Variants in CACNA2D1 observed in about 807,000 individuals in gnomAD.
CACNA2D1 encodes calcium voltage-gated channel auxiliary subunit alpha2delta 1.
In CACNA2D1, 53 loss-of-function variants were observed where a neutral mutation model predicts 171.5. The ratio of observed to expected loss-of-function variants is 0.31; its 90% confidence interval spans 0.25 to 0.39. The LOEUF is 0.39. CACNA2D1 is among the 10% of genes least tolerant of loss of function. The pLI, the probability that CACNA2D1 is intolerant of heterozygous loss-of-function variation, is 1.00. For synonymous variants in CACNA2D1, 442 were observed against 443.1 expected, an observed-to-expected ratio of 1.00 and a Z score of 0.03; for missense variants, 903 against 1,299.8, an observed-to-expected ratio of 0.69 and a Z score of 4.69.
chr7:82,348,090 C>T (rs1819445077), intron 2 of CACNA2D1, among the ~76,000 whole-genome samples: 1 of 152,166 alleles, frequency 6.6e-6, no homozygotes, highest in Admixed American at 6.5e-5. Flanking sequence ...TTTTAATCTC[C>T]ATCTGTCGAT....
chr7:82,060,579 A>C, intron 9 of CACNA2D1, 52 bp from the exon 10 acceptor site: 1 of 1,038,678 alleles, frequency 9.6e-7, no homozygotes. Context: ...TATTTAATCA[A>C]GAACATCATA....
intron 12 of CACNA2D1, among the ~76,000 whole-genome samples, chr7:82,016,207 G>A (rs1199347127): frequency 6.6e-6 from 1 of 151,954 alleles, no homozygotes; most frequent in African/African-American, 2.4e-5. Flanking sequence ...GCTTCTAAAT[G>A]GAAATATTTT....
chr7:82,392,619 G>A (rs946033801), intron 1 of CACNA2D1, among the ~76,000 whole-genome samples: 7 of 152,198 alleles, frequency 4.6e-5, no homozygotes, highest in Non-Finnish European at 5.9e-5. Context: ...CTAGGTGGGG[G>A]CATTGCTGGC....
At chr7:82,062,486 T>G (rs1356203860) in intron 9 of CACNA2D1, among the ~76,000 whole-genome samples, 3 of 152,174 alleles carry the variant, frequency 2.0e-5, no homozygotes, top group Non-Finnish European at 4.4e-5. Context: ...TATGTATTCC[T>G]TTAGTGCTAT....
chr7:82,014,583 AATG>A, intron 12 of CACNA2D1, 104 bp from the exon 13 acceptor site: 1 of 714,468 alleles, frequency 1.4e-6, no homozygotes, highest in East Asian at 2.7e-5. Context: ...TTTCCAGTTG[AATG>A]ATATGACAAG....
chr7:81,987,175 T>C (rs37092), intron 21 of CACNA2D1, among the ~76,000 whole-genome samples: 1,742 of 152,286 alleles, frequency 0.011, 36 homozygotes, highest in African/African-American at 0.039. Context: ...TAGAAAAACA[T>C]AGCTATACTT....
In CACNA2D1 at chr7:81,947,943, T is replaced by C. The variant is rs1792168421; in HGVS notation, c.*2449A>G. The stretch of plus-strand genomic sequence containing the variant: ...AAATAAAGGTTTATAGCAAAACTCA[T>C]GCATATAAATATATTTTGATGGCAA... On this transcript the variant is annotated 3_prime_UTR_variant, in exon 39 of 39. Coordinates refer to ENST00000356860, the MANE Select transcript of CACNA2D1 (RefSeq NM_000722.4). The C allele has an allele frequency of 1.3e-5, 2 of 151,860 alleles. No homozygotes were observed. Among genetic ancestry groups the C allele is most frequent in the African/African-American group, 2.4e-5 (1 of 41,408 alleles). 9.4% of individuals were successfully genotyped at this position (151,860 alleles called of 1,614,324 possible).
chr7:82,150,325 T>TCCC (rs147202376), intron 4 of CACNA2D1, among the ~76,000 whole-genome samples: 404 of 142,478 alleles, frequency 2.8e-3, no homozygotes, highest in African/African-American at 0.01. Context: ...ACTTTTTTTT[T>TCCC]CCCCCCAGTA....
intron 20 of CACNA2D1, among the ~76,000 whole-genome samples, chr7:81,992,315 T>C (rs1356019253): frequency 5.3e-5 from 8 of 152,068 alleles, no homozygotes; most frequent in Non-Finnish European, 4.4e-5. Context: ...CTGCAATTTA[T>C]TGATGAAGAA....
chr7:82,096,217 A>G (rs1047470197), intron 6 of CACNA2D1, among the ~76,000 whole-genome samples: 1 of 152,152 alleles, frequency 6.6e-6, no homozygotes, highest in Non-Finnish European at 1.5e-5. Context: ...CTCCCTTTAC[A>G]GCAGTAGCAC....
intron 3 of CACNA2D1, among the ~76,000 whole-genome samples, chr7:82,260,716 A>T (rs1226944016): frequency 6.6e-6 from 1 of 152,192 alleles, no homozygotes; most frequent in Non-Finnish European, 1.5e-5. Flanking sequence ...GCTCAGTTTA[A>T]TAGAAACAGA....
rs527517118 is a variant in CACNA2D1 at position 82,096,288 on chromosome 7, T to TTTATA, written c.527-11393_527-11389dup. On this transcript the variant is annotated intron_variant, in intron 6 of 38. Coordinates refer to ENST00000356860, the MANE Select transcript of CACNA2D1 (RefSeq NM_000722.4). ...GTGGCTGTGTTCCCATAAAACTGTA[T>TTTATA]TTATAAAAACAGACAGTGGGCCATA... Among the ~76,000 whole-genome samples, 47 of 152,234 alleles carry TTTATA rather than the reference T, an allele frequency of 3.1e-4. No homozygotes were observed. The East Asian group carries it at 4.1e-3, about 13-fold the overall frequency.
chr7:82,357,900 T>G (rs991225284), intron 1 of CACNA2D1, among the ~76,000 whole-genome samples: 1 of 151,722 alleles, frequency 6.6e-6, no homozygotes, highest in Non-Finnish European at 1.5e-5. Flanking sequence ...GTAAGGGATT[T>G]ATAGGAGGGA....
At position 82,038,060 on chromosome 7, in the gene CACNA2D1, C is replaced by T; in HGVS notation, c.1038+17G>A. Reference sequence around the variant, plus strand: ...ATTGAACAACAACAACAACAAAAGACATAGCATGATACTTACATTAAGCAG... The same window carrying T: ...ATTGAACAACAACAACAACAAAAGATATAGCATGATACTTACATTAAGCAG... On this transcript the variant is annotated intron_variant, in intron 11 of 38. Coordinates refer to ENST00000356860, the MANE Select transcript of CACNA2D1 (RefSeq NM_000722.4). 1 of 1,611,188 alleles carries T rather than the reference C, an allele frequency of 6.2e-7. No homozygotes were observed. The highest frequency in any genetic ancestry group is 2.2e-5 in the East Asian group (1 of 44,764).
In CACNA2D1 at chr7:82,289,959, C is replaced by A. The variant is rs114285936; in HGVS notation, c.294+45176G>T. ...CCTTAACTTTTTTGTTGCTGTTGTT[C>A]ACTTAAAGTAGAACCTACATTACTG... is the stretch of plus-strand genomic sequence containing the variant. On this transcript the variant is annotated intron_variant, in intron 3 of 38. Coordinates refer to ENST00000356860, the MANE Select transcript of CACNA2D1 (RefSeq NM_000722.4). Among the ~76,000 whole-genome samples the A allele has an allele frequency of 5.1e-3, 771 of 152,280 alleles. 4 individuals carry two copies. The highest frequency in any genetic ancestry group is 0.018 in the African/African-American group (730 of 41,570).
chr7:82,232,945 T>C (rs1472609118), intron 3 of CACNA2D1, among the ~76,000 whole-genome samples: 1 of 147,678 alleles, frequency 6.8e-6, no homozygotes, highest in Non-Finnish European at 1.5e-5. Flanking sequence ...AGGTTGTTTC[T>C]ACTAAAACAT....
chr7:82,091,889 A>C (rs1310479161), intron 6 of CACNA2D1, among the ~76,000 whole-genome samples: 1 of 152,212 alleles, frequency 6.6e-6, no homozygotes, highest in African/African-American at 2.4e-5. Flanking sequence ...TATTCGTCTA[A>C]AAAAATGAAT....
intron 18 of CACNA2D1, among the ~76,000 whole-genome samples, chr7:81,999,309 C>A (rs1798353845): frequency 1.3e-5 from 2 of 152,064 alleles, no homozygotes; most frequent in Non-Finnish European, 2.9e-5. Flanking sequence ...CTACAAAATT[C>A]AAAAGCATAA....
At chr7:82,016,626 A>AAC (rs1800513062) in intron 12 of CACNA2D1, among the ~76,000 whole-genome samples, 2 of 131,980 alleles carry the variant, frequency 1.5e-5, no homozygotes, top group Non-Finnish European at 3.3e-5. Flanking sequence ...CCCCCCCAAA[A>AAC]AAAAAGCTTG....
Sources: allele counts gnomAD v4.1 joint callset (sites outside exome capture counted in the v4.1 genomes callset), GRCh38; gene constraint gnomAD v4.1.1; transcripts MANE v1.5; gene names NCBI Gene and HGNC (gene_info 2026-07-23, HGNC 2026-07-21).